Variants in PCDHA1 observed in about 807,000 individuals in gnomAD.
PCDHA1 encodes the protein protocadherin alpha 1, also known as protocadherin alpha-1.
Under a neutral mutation model 61.3 loss-of-function variants are expected in PCDHA1, and 42 were observed. The observed-to-expected ratio is 0.69, with a 90% CI of 0.54 to 0.89. PCDHA1 has a LOEUF of 0.89. PCDHA1 is among the 40% of genes least tolerant of loss of function. The pLI is 0.00. For synonymous variants in PCDHA1, 610 were observed against 553.8 expected (o/e 1.10, Z -1.43); for missense variants, 1,256 against 1,235.3 (o/e 1.02, Z -0.25).
chr5:140,921,165 A>G (rs959305878), intron 1 of PCDHA1, among the ~76,000 whole-genome samples: 1 of 151,798 alleles, frequency 6.6e-6, no homozygotes, highest in Admixed American at 6.6e-5. Context: ...TTTTTTTAAC[A>G]CACATAAAGC....
rs782354826 is a variant in PCDHA1, at chr5:140,856,955, G to A, written c.2394+68271G>A. 3 of 1,593,892 alleles carry A rather than the reference G, an allele frequency of 1.9e-6. No individual in the cohort carries two copies. The Admixed American group carries it at 5.1e-5, about 27-fold the overall frequency. On this transcript the variant is annotated intron_variant, in intron 1 of 3. Coordinates refer to ENST00000504120, the MANE Select transcript of PCDHA1 (RefSeq NM_018900.4). Reference sequence around the variant, plus strand: ...AAACGAAAGGACGGGAGAAATAAAAGTAAATGATGCTATTGACTTTGAGGA... The same window carrying A: ...AAACGAAAGGACGGGAGAAATAAAAATAAATGATGCTATTGACTTTGAGGA...
intron 1 of PCDHA1, among the ~76,000 whole-genome samples, chr5:140,941,202 C>CTTTCCTTCTTT (rs1554213921): frequency 8.1e-6 from 1 of 122,742 alleles, no homozygotes; most frequent in Non-Finnish European, 1.8e-5. Flanking sequence ...TTTCTTTCTT[C>CTTTCCTTCTTT]CTTTCTTTCT....
At position 140,850,414 on chromosome 5, in the gene PCDHA1, C is replaced by T. The variant is rs2150483197; in HGVS notation, c.2394+61730C>T. The T allele has an allele frequency of 3.9e-5, 62 of 1,597,814 alleles. 5 individuals are homozygous for T. Among genetic ancestry groups the T allele is most frequent in the African/African-American group, 6.7e-5 (5 of 74,310 alleles). ...AGCACAACGCGTGCCCTGGACGAAA[C>T]GGACGCACCGCGCCAGCGCCTACTG... On this transcript the variant is annotated intron_variant, in intron 1 of 3. Coordinates refer to ENST00000504120, the MANE Select transcript of PCDHA1 (RefSeq NM_018900.4).
chr5:140,985,338 A>G (rs2153836548), intron 3 of PCDHA1, among the ~76,000 whole-genome samples: 1 of 152,280 alleles, frequency 6.6e-6, no homozygotes, highest in South Asian at 2.1e-4. Flanking sequence ...TCTCATTTGC[A>G]GGCCCAGATA....
intron 1 of PCDHA1, chr5:140,828,163 G>T (rs1244863106): frequency 1.9e-6 from 3 of 1,614,068 alleles, no homozygotes; most frequent in Non-Finnish European, 2.5e-6. Context: ...TCGCAGCCTG[G>T]AAGGTGGGGA....
At chr5:140,978,861 T>C (rs540878929) in intron 1 of PCDHA1, 88 bp from the exon 2 acceptor site, 1 of 1,599,110 alleles carries the variant, frequency 6.3e-7, no homozygotes, top group African/African-American at 1.3e-5. Flanking sequence ...CCTGGAAATA[T>C]TTAAGGGAGT....
chr5:140,808,018 T>C, intron 1 of PCDHA1: 1 of 1,613,878 alleles, frequency 6.2e-7, no homozygotes. Flanking sequence ...ATGGGGACAT[T>C]GTTTATTCAT....
chr5:140,849,910 G>A, intron 1 of PCDHA1: 1 of 1,598,272 alleles, frequency 6.3e-7, no homozygotes. Flanking sequence ...CCGCCGGGCT[G>A]CCACATCTTC....
At chr5:140,934,926 G>C (rs1054459840) in intron 1 of PCDHA1, among the ~76,000 whole-genome samples, 1 of 152,116 alleles carries the variant, frequency 6.6e-6, no homozygotes, top group African/African-American at 2.4e-5. Flanking sequence ...TTCACATAAA[G>C]TTACAAAACT....
At chr5:140,987,592 G>T (rs150671243) in intron 3 of PCDHA1, among the ~76,000 whole-genome samples, 2 of 152,172 alleles carry the variant, frequency 1.3e-5, no homozygotes, top group African/African-American at 4.8e-5. Flanking sequence ...GAGAATAGTG[G>T]TGTCTACCTT....
chr5:140,788,176 G>A lies in PCDHA1; in HGVS notation c.1886G>A (p.Gly629Asp). ...CCGTTCCGCGTGGGGCTGTACACGG[G>A]CGAGATCAGCACGACTCGTGTCCTG... Reference protein sequence around the residue: ...RIPFRVGLYTGEISTTRVLDE... With the variant: ...RIPFRVGLYTDEISTTRVLDE... Residue 629 changes from glycine (G) to aspartate (D), a missense_variant, in exon 1 of 4, where the codon GGC (glycine) becomes GAC (aspartate). Coordinates refer to ENST00000504120, the MANE Select transcript of PCDHA1 (RefSeq NM_018900.4). The A allele has an allele frequency of 6.2e-7, 1 of 1,614,028 alleles. No individual in the cohort carries two copies. The highest frequency in any genetic ancestry group is 8.5e-7 in the Non-Finnish European group (1 of 1,179,922).
intron 1 of PCDHA1, among the ~76,000 whole-genome samples, chr5:140,923,177 A>G (rs1325033307): frequency 2.0e-5 from 3 of 152,174 alleles, no homozygotes; most frequent in African/African-American, 7.2e-5. Context: ...TTTTGTTCAG[A>G]TGCATCTACT....
At chr5:140,827,791 G>T (rs1769410583) in intron 1 of PCDHA1, among the ~76,000 whole-genome samples, 1 of 152,224 alleles carries the variant, frequency 6.6e-6, no homozygotes, top group Non-Finnish European at 1.5e-5. Flanking sequence ...CACTGACCGT[G>T]CAAATTACAA....
At chr5:140,879,555 C>A (rs1278975106) in intron 1 of PCDHA1, among the ~76,000 whole-genome samples, 1 of 152,048 alleles carries the variant, frequency 6.6e-6, no homozygotes, top group African/African-American at 2.4e-5. Flanking sequence ...AAAAATAATC[C>A]ATGAAAGAAT....
intron 1 of PCDHA1, chr5:140,863,441 C>T (rs1430733740): frequency 1.0e-5 from 6 of 601,724 alleles, no homozygotes; most frequent in Non-Finnish European, 1.9e-5. Context: ...TCTGGTCTTA[C>T]TCGCAGCAAA....
chr5:140,802,141 C>A (rs781954887), intron 1 of PCDHA1: 4 of 1,614,162 alleles, frequency 2.5e-6, no homozygotes, highest in African/African-American at 2.7e-5. Flanking sequence ...GAAAGTAAGT[C>A]ATATGAAATC....
intron 1 of PCDHA1, chr5:140,870,675 C>T (rs1554164570): frequency 6.2e-7 from 1 of 1,612,672 alleles, no homozygotes. Flanking sequence ...CGTTGGACCA[C>T]GAGGAGCTGG....
intron 1 of PCDHA1, chr5:140,857,942 A>G: frequency 6.3e-7 from 1 of 1,597,440 alleles, no homozygotes; most frequent in Non-Finnish European, 8.6e-7. Flanking sequence ...CGAGATCAGT[A>G]CGACGCGCGC....
At chr5:140,822,616 A>G (rs1554128752) in intron 1 of PCDHA1, 2 of 1,611,568 alleles carry the variant, frequency 1.2e-6, no homozygotes, top group Non-Finnish European at 1.7e-6. Flanking sequence ...GTATTTCTTT[A>G]GTAATCTTGT....
Sources: gnomAD v4.1 joint callset for allele counts (sites outside exome capture counted in the v4.1 genomes callset) on GRCh38, gnomAD v4.1.1 for gene constraint, MANE v1.5 for transcripts, NCBI Gene and HGNC (gene_info 2026-07-23, HGNC 2026-07-21) for gene names.